The following HIVEP1 variants were observed in gnomAD, a reference collection of about 807,000 sequenced individuals.
HIVEP1 encodes zinc finger protein 40.
In HIVEP1, 36 loss-of-function variants were observed where a neutral mutation model predicts 180.0. The observed-to-expected ratio is 0.20, with a 90% CI of 0.15 to 0.26. The LOEUF (loss-of-function observed/expected upper bound fraction) is 0.26. Ranked by LOEUF, HIVEP1 falls within the 10% of genes least tolerant of loss-of-function variation. The pLI, the probability that HIVEP1 is intolerant of heterozygous loss-of-function variation, is 1.00. For missense variants in HIVEP1, 3,143 were observed against 3,268.7 expected, an observed-to-expected ratio of 0.96 and a Z score of 0.94; for synonymous variants, 1,239 against 1,239.0, an observed-to-expected ratio of 1.00 and a Z score of 0.00.
rs1760290936 is a variant in HIVEP1, at chr6:12,159,816, T to TA, written c.6488-1622dup. On this transcript the variant is annotated intron_variant, in intron 7 of 8. Transcript: ENST00000379388. ...CAGAACCTAAATGCATGTTTCATCT[T>TA]AGAGTTTTTTAATTATAAAAGTAGC... Among the ~76,000 whole-genome samples, 5 of 152,378 alleles carry TA rather than the reference T, an allele frequency of 3.3e-5. No homozygotes were observed. In the South Asian group the frequency reaches 1.0e-3, roughly 32 times the overall value.
At chr6:12,048,455 C>G (rs1343715627) in intron 2 of HIVEP1, among the ~76,000 whole-genome samples, 1 of 152,180 alleles carries the variant, frequency 6.6e-6, no homozygotes, top group Non-Finnish European at 1.5e-5. Flanking sequence ...CAATTCTTGG[C>G]CTTCCAACCA....
chr6:12,144,036 A>G (rs974445969), intron 7 of HIVEP1, among the ~76,000 whole-genome samples: 4 of 152,238 alleles, frequency 2.6e-5, no homozygotes, highest in African/African-American at 9.6e-5. Flanking sequence ...ACTACTTTAA[A>G]GTTCATATGG....
At chr6:12,023,148 T>C (rs976395963) in intron 2 of HIVEP1, among the ~76,000 whole-genome samples, 1 of 152,168 alleles carries the variant, frequency 6.6e-6, no homozygotes, top group Non-Finnish European at 1.5e-5. Context: ...TCCGCTTCTG[T>C]GTGACACAAG....
intron 7 of HIVEP1, among the ~76,000 whole-genome samples, chr6:12,141,046 C>A (rs1385245475): frequency 6.6e-6 from 1 of 152,216 alleles, no homozygotes; most frequent in East Asian, 1.9e-4. Context: ...TTGAGAAGAG[C>A]AACCGCAAGA....
chr6:12,168,092 C>T (rs1339896408), downstream of HIVEP1, among the ~76,000 whole-genome samples: 1 of 16,830 alleles, frequency 5.9e-5, no homozygotes, highest in African/African-American at 2.9e-4. Flanking sequence ...TACATATATA[C>T]ACATACACGT....
Position 12,161,761 on chromosome 6 carries a change from GAC to G in HIVEP1, c.6813_6814del (p.Pro2274GlyfsTer11), listed in dbSNP as rs1562014916. 1 of 1,614,188 alleles carries G rather than the reference GAC, an allele frequency of 6.2e-7. No individual in the cohort carries two copies. Among genetic ancestry groups the G allele is most frequent in the Non-Finnish European group, 8.5e-7 (1 of 1,180,030 alleles). ...STAQSDYNRK[T>X]LSPGKARQRA... ...CAGCACAGTCTGACTACAATAGGAA[GAC>G]ACTCTCTCCGGGGAAGGCCAGGCAG... On this transcript the variant is annotated frameshift_variant, in exon 8 of 9. Transcript: ENST00000379388. LOFTEE classifies it high-confidence loss of function.
intron 7 of HIVEP1, among the ~76,000 whole-genome samples, chr6:12,136,721 A>G (rs1017411744): frequency 5.3e-5 from 8 of 152,224 alleles, no homozygotes; most frequent in African/African-American, 1.9e-4. Flanking sequence ...ATTATTCCGA[A>G]AAGGTTAAAT....
chr6:12,058,920 G>A (rs746194763), intron 2 of HIVEP1, among the ~76,000 whole-genome samples: 1 of 151,864 alleles, frequency 6.6e-6, no homozygotes, highest in Non-Finnish European at 1.5e-5. Flanking sequence ...TATGTGAGAC[G>A]CATAGACATA....
intron 7 of HIVEP1, among the ~76,000 whole-genome samples, chr6:12,150,332 T>G (rs187192459): frequency 1.8e-4 from 27 of 152,340 alleles, no homozygotes; most frequent in African/African-American, 6.3e-4. Flanking sequence ...CAACAAATGC[T>G]GGACTTCAGT....
chr6:12,144,963 A>G (rs923441874), intron 7 of HIVEP1, among the ~76,000 whole-genome samples: 9 of 151,934 alleles, frequency 5.9e-5, no homozygotes, highest in African/African-American at 2.2e-4. Context: ...ACAGTGTGGC[A>G]ATTCCTCAAG....
intron 2 of HIVEP1, among the ~76,000 whole-genome samples, chr6:12,018,968 A>G (rs1768011985): frequency 6.6e-6 from 1 of 152,210 alleles, no homozygotes; most frequent in South Asian, 2.1e-4. Context: ...TGCTTCTTTA[A>G]GATATTTTTA....
At chr6:12,096,725 A>G (rs769722588) in intron 3 of HIVEP1, among the ~76,000 whole-genome samples, 2 of 152,028 alleles carry the variant, frequency 1.3e-5, no homozygotes, top group African/African-American at 2.4e-5. Context: ...TTTATTGCCA[A>G]TGACACTCTT....
intron 2 of HIVEP1, among the ~76,000 whole-genome samples, chr6:12,080,083 G>A (rs566617051): frequency 5.3e-5 from 8 of 152,194 alleles, no homozygotes; most frequent in African/African-American, 1.9e-4. Flanking sequence ...GGGTTTTACT[G>A]TTTTAGGGGA....
intron 3 of HIVEP1, among the ~76,000 whole-genome samples, chr6:12,108,386 C>T (rs1323316085): frequency 2.0e-5 from 3 of 152,252 alleles, no homozygotes; most frequent in Non-Finnish European, 2.9e-5. Context: ...TGCACTGCGC[C>T]CGCACTCTTC....
chr6:12,087,546 T>G (rs1413424267), intron 2 of HIVEP1, among the ~76,000 whole-genome samples: 4 of 152,156 alleles, frequency 2.6e-5, no homozygotes, highest in Non-Finnish European at 5.9e-5. Context: ...TTTCAAGTAC[T>G]ATATGTTATG....
chr6:12,137,858 G>T (rs527618443), intron 7 of HIVEP1, among the ~76,000 whole-genome samples: 1 of 152,160 alleles, frequency 6.6e-6, no homozygotes, highest in Non-Finnish European at 1.5e-5. Flanking sequence ...CATATTTGGA[G>T]ATTTTTTTAC....
At chr6:12,065,834 G>A (rs537895984) in intron 2 of HIVEP1, among the ~76,000 whole-genome samples, 3 of 152,264 alleles carry the variant, frequency 2.0e-5, no homozygotes, top group African/African-American at 4.8e-5. Context: ...TCTGCAAATG[G>A]CAGAGCTGAT....
At chr6:12,202,815 G>T in the HIVEP1 span, among the ~76,000 whole-genome samples, 1 of 152,170 alleles carries the variant, frequency 6.6e-6, no homozygotes. Context: ...TCTGTAGCAT[G>T]AGCATTAGCC....
intron 1 of HIVEP1, among the ~76,000 whole-genome samples, chr6:12,013,874 G>A (rs1767565018): frequency 6.6e-6 from 1 of 152,124 alleles, no homozygotes; most frequent in South Asian, 2.1e-4. Context: ...ATAATTTTGT[G>A]CTGAGCTGAC....
Sources: gnomAD v4.1 joint callset for allele counts (sites outside exome capture counted in the v4.1 genomes callset) on GRCh38, gnomAD v4.1.1 for gene constraint, MANE v1.5 for transcripts, NCBI Gene and HGNC (gene_info 2026-07-23, HGNC 2026-07-21) for gene names.